The following MAGED1 variants were observed in gnomAD, a reference collection of about 807,000 sequenced individuals.
MAGED1 encodes MAGE family member D1.
MAGED1 carries 3 observed loss-of-function variants against 54.1 expected under a neutral mutation model. The observed-to-expected ratio is 0.06, with a 90% CI of 0.03 to 0.14. The LOEUF is 0.14. MAGED1 is among the 10% of genes least tolerant of loss of function. The probability of loss-of-function intolerance (pLI) is 1.00; values close to 1 mark genes in which losing one functional copy is unlikely to be tolerated. For synonymous variants in MAGED1, 217 were observed against 227.3 expected, an observed-to-expected ratio of 0.95 and a Z score of 0.41; for missense variants, 485 against 623.4, an observed-to-expected ratio of 0.78 and a Z score of 2.36.
intron 1 of MAGED1, among the ~76,000 whole-genome samples, chrX:51,820,372 G>T (rs1925578614): frequency 8.9e-6 from 1 of 111,770 alleles, no homozygotes; most frequent in African/African-American, 3.3e-5. Context: ...GGAGAGTATT[G>T]CCATCTTAAC....
chrX:51,834,456 G>C (rs953078780), intron 1 of MAGED1, among the ~76,000 whole-genome samples: 2 of 112,030 alleles, frequency 1.8e-5, no homozygotes, highest in African/African-American at 3.2e-5. Flanking sequence ...ATGAATATTG[G>C]TGTGTGTTTG....
chrX:51,902,109 C>A, intron 12 of MAGED1, 37 bp from the exon 13 acceptor site: 1 of 413,434 alleles, frequency 2.4e-6, no homozygotes, highest in Non-Finnish European at 3.8e-6. Flanking sequence ...TGATATATAT[C>A]ATTGATTTTT....
chrX:51,850,810 G>A (rs1441625313), intron 1 of MAGED1, among the ~76,000 whole-genome samples: 1 of 110,920 alleles, frequency 9.0e-6, no homozygotes, highest in African/African-American at 3.3e-5. Context: ...TGAGGTAGGA[G>A]ATTTGCTTGA....
intron 1 of MAGED1, among the ~76,000 whole-genome samples, chrX:51,835,989 A>G (rs1304092819): frequency 9.0e-6 from 1 of 111,356 alleles, no homozygotes; most frequent in African/African-American, 3.3e-5. Context: ...CCTTTTCCAT[A>G]GTTTAATATG....
chrX:51,827,504 A>T (rs782644219), intron 1 of MAGED1, among the ~76,000 whole-genome samples: 2 of 111,864 alleles, frequency 1.8e-5, no homozygotes, highest in Non-Finnish European at 1.9e-5. Context: ...AGAATGTACA[A>T]CACTGAGAGT....
chrX:51,815,611 C>G (rs1355610607), intron 1 of MAGED1, among the ~76,000 whole-genome samples: 1 of 109,133 alleles, frequency 9.2e-6, no homozygotes, highest in East Asian at 2.9e-4. Flanking sequence ...TAACCTCCGC[C>G]TCCCGGGTTC....
At position 51,895,420 on chromosome X, in the gene MAGED1, C is replaced by A. The variant is rs1004467541; in HGVS notation, c.413C>A (p.Ala138Asp). 5.8e-6 allele frequency: 7 copies of A among 1,205,333 alleles called. No individual in the cohort carries two copies. The highest frequency in any genetic ancestry group is 7.8e-6 in the Non-Finnish European group (7 of 892,581). Residue 138 changes from alanine to aspartate, a missense_variant, in exon 3 of 13, where the codon GCT (alanine) becomes GAT (aspartate). Coordinates refer to ENST00000326587, the MANE Select transcript of MAGED1 (RefSeq NM_006986.4). The part of the protein sequence containing the change: ...FSQAATTGEL[A>D]ANKSEMAFKA... ...CAGGCAGCAACCACTGGTGAGTTAG[C>A]TGCTAACAAGTCTGAGATGGCCTTC...
rs143741906 is a variant in MAGED1 at position 51,854,439 on chromosome X, T to C, written c.-36-39830T>C. 5.0e-3 allele frequency among the ~76,000 whole-genome samples: 554 copies of C among 111,631 alleles called. 6 individuals are homozygous for C. Among genetic ancestry groups the C allele is most frequent in the African/African-American group, 0.017 (519 of 30,767 alleles). ...AGTAGGGGTTAGAGAACTTACAGTT[T>C]AGTTGTATAGTGGTGGGATAGTTGA... On this transcript the variant is annotated intron_variant, in intron 1 of 12. Transcript: ENST00000375772.
At chrX:51,854,100 C>G (rs1488843660) in intron 1 of MAGED1, among the ~76,000 whole-genome samples, 1 of 111,784 alleles carries the variant, frequency 8.9e-6, no homozygotes, top group Non-Finnish European at 1.9e-5. Context: ...TTTTATCTCT[C>G]AAGGTCAAGA....
intron 1 of MAGED1, among the ~76,000 whole-genome samples, chrX:51,833,005 G>A (rs1014766834): frequency 9.0e-6 from 1 of 111,608 alleles, no homozygotes; most frequent in Non-Finnish European, 1.9e-5. Flanking sequence ...GTAGTCCAAC[G>A]TAAGTACCTA....
At chrX:51,821,636 C>T (rs1355671384) in intron 1 of MAGED1, among the ~76,000 whole-genome samples, 6 of 111,616 alleles carry the variant, frequency 5.4e-5, no homozygotes, top group Middle Eastern at 9.1e-3. Context: ...GCAACCTGCC[C>T]GCCTTGGCCT....
intron 1 of MAGED1, among the ~76,000 whole-genome samples, chrX:51,852,610 C>G (rs782505228): frequency 2.8e-4 from 31 of 111,951 alleles, no homozygotes; most frequent in Admixed American, 4.7e-4. Flanking sequence ...CAAATATTCT[C>G]AAATCACCAT....
chrX:51,828,440 A>G (rs782699746), intron 1 of MAGED1, among the ~76,000 whole-genome samples: 1 of 111,232 alleles, frequency 9.0e-6, no homozygotes, highest in Non-Finnish European at 1.9e-5. Flanking sequence ...CTTTATGAAG[A>G]TTCAAGTTTC....
chrX:51,811,346 G>A (rs1195846792), intron 1 of MAGED1, among the ~76,000 whole-genome samples: 4 of 111,806 alleles, frequency 3.6e-5, no homozygotes, highest in African/African-American at 1.3e-4. Flanking sequence ...TTACCAATTG[G>A]ACATTATACT....
chrX:51,881,262 A>G (rs929923543), intron 1 of MAGED1, among the ~76,000 whole-genome samples: 4 of 110,873 alleles, frequency 3.6e-5, no homozygotes, highest in Non-Finnish European at 5.7e-5. Flanking sequence ...CCCATCTCCA[A>G]TACAGTCACA....
chrX:51,895,076 C>T lies in MAGED1; in HGVS notation c.69C>T (p.Ser23=), dbSNP rs1557364027. ...AGGCTGAGGCCTCCGTAGAAGACAGCGCCTTGCTTATGCAGACCTTGATGG... is the reference window on the plus strand; with the variant it reads ...AGGCTGAGGCCTCCGTAGAAGACAGTGCCTTGCTTATGCAGACCTTGATGG... ...GFQAEASVED[S]ALLMQTLMEA... is the part of the protein sequence containing the mutation. Residue 23 remains serine (S), a synonymous_variant, in exon 3 of 13, where the codon AGC becomes AGT. Transcript: ENST00000326587. 8.3e-7 allele frequency: 1 copy of T among 1,210,059 alleles called. No individual in the cohort carries two copies. The highest frequency in any genetic ancestry group is 1.1e-6 in the Non-Finnish European group (1 of 894,327).
intron 1 of MAGED1, among the ~76,000 whole-genome samples, chrX:51,863,339 T>C (rs1252482178): frequency 8.9e-6 from 1 of 112,588 alleles, no homozygotes; most frequent in East Asian, 2.8e-4. Context: ...TGTGTGTGTA[T>C]GTATGTGTGT....
At chrX:51,864,328 G>A (rs1415040826) in intron 1 of MAGED1, among the ~76,000 whole-genome samples, 1 of 111,366 alleles carries the variant, frequency 9.0e-6, no homozygotes, top group Non-Finnish European at 1.9e-5. Context: ...CTTTGTCAAA[G>A]ATTAGTTGAC....
At chrX:51,811,622 GA>G (rs1925222907) in intron 1 of MAGED1, among the ~76,000 whole-genome samples, 1 of 111,542 alleles carries the variant, frequency 9.0e-6, no homozygotes, top group Non-Finnish European at 1.9e-5. Context: ...AGGTCACAAA[GA>G]AAAGATTCCA....
Sources: gnomAD v4.1 joint callset for allele counts (sites outside exome capture counted in the v4.1 genomes callset) on GRCh38, gnomAD v4.1.1 for gene constraint, MANE v1.5 for transcripts, NCBI Gene and HGNC (gene_info 2026-07-23, HGNC 2026-07-21) for gene names.